NMD3: variants seen among roughly 807,000 people sequenced by gnomAD.
NMD3 encodes the protein 60S ribosomal export protein NMD3.
Under a neutral mutation model 73.1 loss-of-function variants are expected in NMD3, and 47 were observed. The observed-to-expected ratio is 0.64, with a 90% CI of 0.51 to 0.82. The LOEUF is 0.82. Among genes scored for constraint, NMD3 ranks in the 40% least tolerant of loss-of-function variants. The pLI, the probability that NMD3 is intolerant of heterozygous loss-of-function variation, is 0.00. For missense variants in NMD3, 554 were observed against 612.5 expected (o/e 0.90, Z 1.01); for synonymous variants, 210 against 194.5 (o/e 1.08, Z -0.66).
At chr3:161,225,608 C>G (rs1018322652) in intron 3 of NMD3, among the ~76,000 whole-genome samples, 8 of 152,112 alleles carry the variant, frequency 5.3e-5, no homozygotes, top group African/African-American at 1.9e-4. Context: ...TTTCATTCCT[C>G]TTGATTTTCT....
At chr3:161,242,404 T>A in intron 10 of NMD3, 104 bp from the exon 11 acceptor site, 1 of 1,040,256 alleles carries the variant, frequency 9.6e-7, no homozygotes, top group South Asian at 1.6e-5. Flanking sequence ...TCTGTTGACC[T>A]GCCACTTCCC....
At chr3:161,243,511 G>A (rs948198028) in intron 11 of NMD3, among the ~76,000 whole-genome samples, 1 of 152,090 alleles carries the variant, frequency 6.6e-6, no homozygotes, top group African/African-American at 2.4e-5. Context: ...CATTAAATGG[G>A]AATATTATAC....
At position 161,226,266 on chromosome 3, in the gene NMD3, C is replaced by G. The variant is rs1736311785; in HGVS notation, c.180-981C>G. On this transcript the variant is annotated intron_variant, in intron 3 of 15. Transcript: ENST00000351193. ...GTCAGGAGTTCGAGACCAGACTGGC[C>G]AACATGGTGAAACCCTGTCTCTACT... Among the ~76,000 whole-genome samples, 4 of 151,880 alleles carry G rather than the reference C, an allele frequency of 2.6e-5. 1 individual carries two copies. In the South Asian group the frequency reaches 8.3e-4, roughly 32 times the overall value.
chr3:161,226,999 G>C lies in NMD3; in HGVS notation c.180-248G>C, dbSNP rs560189398. Among the ~76,000 whole-genome samples the C allele has an allele frequency of 1.4e-3, 217 of 152,284 alleles. 3 individuals are homozygous for C. In the South Asian group the frequency reaches 0.02, roughly 14 times the overall value. ...TTTTAGTGGTGATTTGGTGATTAAA[G>C]TAATAAGATCACTTTAGTAGGTTAT... On this transcript the variant is annotated intron_variant, in intron 3 of 15. Coordinates refer to ENST00000351193, the MANE Select transcript of NMD3 (RefSeq NM_015938.5).
At chr3:161,222,344 TTTAC>T (rs1219708334) in intron 2 of NMD3, among the ~76,000 whole-genome samples, 1 of 152,062 alleles carries the variant, frequency 6.6e-6, no homozygotes, top group Non-Finnish European at 1.5e-5. Flanking sequence ...AAATTTACTT[TTTAC>T]TTACTTTTTT....
chr3:161,226,994 T>G (rs1736343772), intron 3 of NMD3, among the ~76,000 whole-genome samples: 1 of 152,232 alleles, frequency 6.6e-6, no homozygotes, highest in Non-Finnish European at 1.5e-5. Flanking sequence ...GATTTGGTGA[T>G]TAAAGTAATA....
At chr3:161,245,364 T>TA (rs1377143268) in intron 11 of NMD3, among the ~76,000 whole-genome samples, 3 of 151,974 alleles carry the variant, frequency 2.0e-5, no homozygotes, top group East Asian at 1.9e-4. Context: ...TCTTGGTTTT[T>TA]AAAAAATAGC....
intron 9 of NMD3, 29 bp downstream of exon 9, chr3:161,238,855 C>T (rs1560070575): frequency 1.8e-5 from 19 of 1,073,096 alleles, no homozygotes; most frequent in East Asian, 2.5e-5. Context: ...TAATCCATAT[C>T]TGTAAAAGAG....
At chr3:161,227,469 G>C in intron 4 of NMD3, 126 bp downstream of exon 4, 1 of 573,994 alleles carries the variant, frequency 1.7e-6, no homozygotes, top group Non-Finnish European at 3.0e-6. Flanking sequence ...TTGAGGTGGG[G>C]TCTTGAACTG....
At chr3:161,246,571 C>T (rs1381134181) in intron 12 of NMD3, 123 bp downstream of exon 12, 2 of 428,752 alleles carry the variant, frequency 4.7e-6, no homozygotes, top group Non-Finnish European at 8.4e-6. Flanking sequence ...TCTTAGGAGC[C>T]TTATAACTCA....
chr3:161,232,769 A>G (rs1317768798), intron 4 of NMD3, among the ~76,000 whole-genome samples: 2 of 152,050 alleles, frequency 1.3e-5, no homozygotes, highest in Non-Finnish European at 2.9e-5. Flanking sequence ...ATCATCTACA[A>G]TCTGGCCCAG....
intron 2 of NMD3, chr3:161,222,776 T>A (rs1576838878): frequency 6.6e-6 from 1 of 152,240 alleles, no homozygotes; most frequent in South Asian, 2.1e-4. Flanking sequence ...ATGACCCTAA[T>A]CTCACAGGAA....
At chr3:161,241,420 C>CTTTTT (rs35893497) in intron 10 of NMD3, among the ~76,000 whole-genome samples, 2 of 126,208 alleles carry the variant, frequency 1.6e-5, no homozygotes, top group Non-Finnish European at 3.3e-5. Context: ...CTGAAATTGA[C>CTTTTT]TTTTTTTTTT....
chr3:161,223,676 T>C (rs964244772), intron 2 of NMD3, among the ~76,000 whole-genome samples: 1 of 152,242 alleles, frequency 6.6e-6, no homozygotes, highest in Non-Finnish European at 1.5e-5. Context: ...GCTATGGTCC[T>C]CTGTATGCCC....
At chr3:161,253,365 A>T (rs1487461796), downstream of NMD3, 1 of 152,180 alleles carries the variant, frequency 6.6e-6, no homozygotes, top group Non-Finnish European at 1.5e-5. Flanking sequence ...GTTTATTTTT[A>T]AAAATATTTT....
At chr3:161,248,618 T>C (rs1356414026) in intron 13 of NMD3, among the ~76,000 whole-genome samples, 1 of 152,202 alleles carries the variant, frequency 6.6e-6, no homozygotes, top group Non-Finnish European at 1.5e-5. Flanking sequence ...GTTAAGGCTG[T>C]TATTCAAAGC....
Position 161,238,766 on chromosome 3 carries a change from C to T in NMD3, c.693C>T (p.Ile231=), listed in dbSNP as rs201801250. The T allele has an allele frequency of 7.3e-4, 1,152 of 1,578,170 alleles. 21 individuals carry two copies. In the South Asian group the frequency reaches 0.012, roughly 17 times the overall value. ...CACAAAGACTGATCTCTCAAGATAT[C>T]CATAGTAACACATACAATTACAAAA... ...KASQRLISQD[I]HSNTYNYKST... is the part of the protein sequence containing the mutation. The change falls in exon 9 of 16, where the codon ATC becomes ATT. Residue 231 remains isoleucine (I), a synonymous_variant. Coordinates refer to ENST00000351193, the MANE Select transcript of NMD3 (RefSeq NM_015938.5).
At chr3:161,242,691 C>A in intron 11 of NMD3, 38 bp downstream of exon 11, 2 of 1,578,102 alleles carry the variant, frequency 1.3e-6, no homozygotes, top group East Asian at 2.2e-5. Context: ...TTTTTTTTTC[C>A]CCTCAGTTAT....
Position 161,250,322 on chromosome 3 carries a change from C to T in NMD3, c.1377C>T (p.Tyr459=), listed in dbSNP as rs1335880303. 1.9e-6 allele frequency: 3 copies of T among 1,592,396 alleles called. No homozygotes were observed. The highest frequency in any genetic ancestry group is 2.6e-6 in the Non-Finnish European group (3 of 1,161,256). ...DEAIRKNVNI[Y]RDSAIPVESD... ...CAATTCGAAAAAATGTCAACATTTA[C>T]AGAGGTTGGTGTTCTAGGAGTGTTT... Residue 459 remains tyrosine (Y), a synonymous_variant, in exon 15 of 16, where the codon TAC becomes TAT. Transcript: ENST00000351193.
Sources: allele counts gnomAD v4.1 joint callset (sites outside exome capture counted in the v4.1 genomes callset), GRCh38; gene constraint gnomAD v4.1.1; transcripts MANE v1.5; gene names NCBI Gene and HGNC (gene_info 2026-07-23, HGNC 2026-07-21).